AVPR2: variants seen among roughly 807,000 people sequenced by gnomAD.
AVPR2 encodes arginine vasopressin receptor 2, also known as vasopressin V2 receptor.
AVPR2 carries 3 observed loss-of-function variants against 12.0 expected under a neutral mutation model. The ratio of observed to expected loss-of-function variants is 0.25; its 90% CI spans 0.11 to 0.64. AVPR2 has a LOEUF of 0.64. Among genes scored for constraint, AVPR2 ranks in the 30% least tolerant of loss-of-function variants. AVPR2 has a pLI of 0.84. For synonymous variants in AVPR2, 143 were observed against 147.5 expected (o/e 0.97, Z 0.22); for missense variants, 279 against 347.9 (o/e 0.80, Z 1.58).
chrX:153,905,649 T>TTGTGGC lies in AVPR2; in HGVS notation c.150_155dup (p.Val51_Ala52dup). On this transcript the variant is annotated inframe_insertion, in exon 3 of 4. Coordinates refer to ENST00000646375, the MANE Select transcript of AVPR2 (RefSeq NM_000054.7). ...GAGCTGGCGCTGCTCTCCATAGTCT[T>TTGTGGC]TGTGGCTGTGGCCCTGAGCAATGGC... 8.3e-7 allele frequency: 1 copy of TTGTGGC among 1,211,493 alleles called. No individual in the cohort carries two copies.
In AVPR2 at chrX:153,907,057, G is replaced by C. The variant is rs1468079737; in HGVS notation, c.*329G>C. The C allele has an allele frequency of 9.3e-6, 4 of 431,607 alleles. No individual in the cohort carries two copies. Among genetic ancestry groups the C allele is most frequent in the African/African-American group, 7.2e-5 (3 of 41,681 alleles). 35.6% of individuals were successfully genotyped at this position (431,607 alleles called of 1,213,427 possible). A position where few individuals can be genotyped will look rare whatever the true frequency, so the allele number is the denominator to read the frequency against. ...CCCCAGGTGAGACAGCGGTCCCAGG[G>C]GCCTGAAAAGGAAGGACCAGGCTGG... On this transcript the variant is annotated 3_prime_UTR_variant, in exon 4 of 4. Coordinates refer to ENST00000646375, the MANE Select transcript of AVPR2 (RefSeq NM_000054.7).
At chrX:153,903,743 G>A (rs372874355), upstream of AVPR2, among the ~76,000 whole-genome samples, 3 of 88,652 alleles carry the variant, frequency 3.4e-5, no homozygotes, top group East Asian at 3.6e-4. Flanking sequence ...GGCCTGGTCC[G>A]TGAGGCTGTT....
chrX:153,903,908 G>A (rs1193716259), upstream of AVPR2, among the ~76,000 whole-genome samples: 1 of 109,251 alleles, frequency 9.2e-6, no homozygotes, highest in Non-Finnish European at 1.9e-5. Flanking sequence ...GGGCTGGAGG[G>A]GGTGTGGGGA....
upstream of AVPR2, among the ~76,000 whole-genome samples, chrX:153,903,505 A>G (rs2064944051): frequency 1.8e-5 from 1 of 55,779 alleles, no homozygotes; most frequent in Admixed American, 1.9e-4. Context: ...GGTGTGTAAT[A>G]TATGTGTGCA....
chrX:153,904,511 C>G (rs1449645929), upstream of AVPR2, among the ~76,000 whole-genome samples: 1 of 110,542 alleles, frequency 9.0e-6, no homozygotes, highest in Non-Finnish European at 1.9e-5. Context: ...ACCAGGGGGG[C>G]GTGGTAGGGT....
chrX:153,906,007 G>A lies in AVPR2; in HGVS notation c.501G>A (p.Ser167=), dbSNP rs367681688. Reference sequence around the variant, plus strand: ...CGGTGCTAGTGGCTTGGGCCTTCTCGCTCCTTCTCAGCCTGCCCCAGCTCT... The same window carrying A: ...CGGTGCTAGTGGCTTGGGCCTTCTCACTCCTTCTCAGCCTGCCCCAGCTCT... ...NRPVLVAWAF[S]LLLSLPQLFI... The change falls in exon 3 of 4, where the codon TCG becomes TCA. Residue 167 remains serine, a synonymous_variant. Coordinates refer to ENST00000646375, the MANE Select transcript of AVPR2 (RefSeq NM_000054.7). 12 of 1,204,046 alleles carry A rather than the reference G, an allele frequency of 1.0e-5. No homozygotes were observed. The highest frequency in any genetic ancestry group is 4.3e-5 in the Admixed American group (2 of 46,035).
upstream of AVPR2, chrX:153,902,693 G>A: frequency 3.0e-6 from 1 of 330,040 alleles, no homozygotes; most frequent in Non-Finnish European, 5.9e-6. Flanking sequence ...GCATCCCAGA[G>A]GAGACCGCCA....
chrX:153,905,188 A>G lies in AVPR2; in HGVS notation c.25+18A>G, dbSNP rs1557100310. Reference sequence around the variant, plus strand: ...CACTTCCGGTAAGGCTTGCCCCTCCATGAGTCCGGTGGGCAGAGTGGGTTT... The same window carrying G: ...CACTTCCGGTAAGGCTTGCCCCTCCGTGAGTCCGGTGGGCAGAGTGGGTTT... On this transcript the variant is annotated intron_variant, in intron 2 of 3. Coordinates refer to ENST00000646375, the MANE Select transcript of AVPR2 (RefSeq NM_000054.7). The G allele has an allele frequency of 8.3e-7, 1 of 1,211,244 alleles. No individual in the cohort carries two copies. The highest frequency in any genetic ancestry group is 2.2e-5 in the Admixed American group (1 of 46,083).
chrX:153,904,830 C>G (rs2064951311), intron 1 of AVPR2, 59 bp downstream of exon 1: 1 of 404,893 alleles, frequency 2.5e-6, no homozygotes, highest in Non-Finnish European at 4.4e-6. Flanking sequence ...ATGGTGGCCT[C>G]TCTCGGCCTC....
rs1557101249 is a variant in AVPR2, at chrX:153,906,908, C to T, written c.*180C>T. The T allele has an allele frequency of 9.2e-6, 5 of 543,316 alleles. No individual in the cohort carries two copies. The African/African-American group carries it at 1.1e-4, about 12-fold the overall frequency. The allele number at this position is 543,316 out of a possible 1,213,427, so 44.8% of individuals were successfully genotyped here. A position where few individuals can be genotyped will look rare whatever the true frequency, so the allele number is the denominator to read the frequency against. On this transcript the variant is annotated 3_prime_UTR_variant, in exon 4 of 4. Transcript: ENST00000646375. ...GCCCCTGCCTGGGTCTCCACATCCCCAGCTGTATGAGGAGAGCTTCAGGCC... is the reference window on the plus strand; with the variant it reads ...GCCCCTGCCTGGGTCTCCACATCCCTAGCTGTATGAGGAGAGCTTCAGGCC...
chrX:153,904,864 T>C, intron 1 of AVPR2, 93 bp downstream of exon 1: 1 of 437,397 alleles, frequency 2.3e-6, no homozygotes, highest in Non-Finnish European at 4.1e-6. Context: ...GAGTTCTGCG[T>C]GTCTGTCTGG....
upstream of AVPR2, among the ~76,000 whole-genome samples, chrX:153,904,027 G>A (rs781810486): frequency 2.1e-4 from 23 of 111,885 alleles, no homozygotes; most frequent in Admixed American, 2.1e-3. Flanking sequence ...TCTCTGTGTT[G>A]TGTGTTTGTG....
rs73627263 is a variant in AVPR2, at chrX:153,906,985, G to A, written c.*257G>A. On this transcript the variant is annotated 3_prime_UTR_variant, in exon 4 of 4. Coordinates refer to ENST00000646375, the MANE Select transcript of AVPR2 (RefSeq NM_000054.7). ...AGCTCACTGAGCTGGGTGTAGGAGG[G>A]GCTGCAGCAGAGGCCTGAGGAGTGG... is the stretch of plus-strand genomic sequence containing the variant. The A allele has an allele frequency of 7.4e-3, 3,582 of 484,143 alleles. 95 individuals carry two copies. The African/African-American group carries it at 0.076, about 10-fold the overall frequency. 39.9% of individuals were successfully genotyped at this position (484,143 alleles called of 1,213,427 possible).
chrX:153,905,282 C>T lies in AVPR2; in HGVS notation c.25+112C>T, dbSNP rs2064954507. ...TCACCTCTGGGTGTGTCTCTCCAGGCTGCCAATGAGTGGGGAGGGGAGCAC... is the reference window on the plus strand; with the variant it reads ...TCACCTCTGGGTGTGTCTCTCCAGGTTGCCAATGAGTGGGGAGGGGAGCAC... On this transcript the variant is annotated intron_variant, in intron 2 of 3. Coordinates refer to ENST00000646375, the MANE Select transcript of AVPR2 (RefSeq NM_000054.7). The T allele has an allele frequency of 2.7e-6, 3 of 1,097,884 alleles. No individual in the cohort carries two copies. The Admixed American group carries it at 6.8e-5, about 25-fold the overall frequency. The allele number at this position is 1,097,884 out of a possible 1,213,427, so 90.5% of individuals were successfully genotyped here.
rs1443017828 is a variant in AVPR2 at position 153,907,014 on chromosome X, G to GA, written c.*289dup. The GA allele has an allele frequency of 2.1e-6, 1 of 469,925 alleles. No homozygotes were observed. Among genetic ancestry groups the GA allele is most frequent in the African/African-American group, 2.3e-5 (1 of 42,668 alleles). The allele number at this position is 469,925 out of a possible 1,213,427, so 38.7% of individuals were successfully genotyped here. Reference sequence around the variant, plus strand: ...GCAGCAGAGGCCTGAGGAGTGGCAGGAAAGAGGGAGCAGGTGCCCCCAGGT... The same window carrying GA: ...GCAGCAGAGGCCTGAGGAGTGGCAGGAAAAGAGGGAGCAGGTGCCCCCAGGT... On this transcript the variant is annotated 3_prime_UTR_variant, in exon 4 of 4. Transcript: ENST00000646375.
At chrX:153,903,090 AGCAGGGGCTGG>A (rs1413972103), upstream of AVPR2, among the ~76,000 whole-genome samples, 5 of 112,790 alleles carry the variant, frequency 4.4e-5, no homozygotes, top group Non-Finnish European at 9.4e-5. Flanking sequence ...GCAGGGGCCA[AGCAGGGGCTGG>A]AGCCTTGCTT....
upstream of AVPR2, chrX:153,902,767 A>G (rs1557099692): frequency 3.0e-6 from 1 of 329,801 alleles, no homozygotes; most frequent in Non-Finnish European, 5.9e-6. Flanking sequence ...CCAGGGGGGC[A>G]GAGATTGCCA....
rs1557100654 is a variant in AVPR2 at position 153,905,962 on chromosome X, T to C, written c.456T>C (p.Ser152=). 1 of 1,204,520 alleles carries C rather than the reference T, an allele frequency of 8.3e-7. No individual in the cohort carries two copies. ...CRPMLAYRHG[S]GAHWNRPVLV... ...CCATGCTGGCGTACCGCCATGGAAG[T>C]GGGGCTCACTGGAACCGGCCGGTGC... Residue 152 remains serine, a synonymous_variant, in exon 3 of 4, where the codon AGT becomes AGC. Coordinates refer to ENST00000646375, the MANE Select transcript of AVPR2 (RefSeq NM_000054.7).
In AVPR2 at chrX:153,906,667, G is replaced by A. The variant is rs146350208; in HGVS notation, c.1055G>A (p.Gly352Asp). ...CGGGGACGCACCCCACCCAGCCTGG[G>A]TCCCCAAGATGAGTCCTGCACCACC... Reference protein sequence around the residue: ...CARGRTPPSLGPQDESCTTAS... With the variant: ...CARGRTPPSLDPQDESCTTAS... The change falls in exon 4 of 4, where the codon GGT (glycine) becomes GAT (aspartate). Residue 352 changes from glycine to aspartate, a missense_variant. Transcript: ENST00000646375. 7.9e-4 allele frequency: 960 copies of A among 1,209,505 alleles called. No homozygotes were observed. Among genetic ancestry groups the A allele is most frequent in the Middle Eastern group, 1.1e-3 (5 of 4,368 alleles).
Sources: allele counts gnomAD v4.1 joint callset (sites outside exome capture counted in the v4.1 genomes callset), GRCh38; gene constraint gnomAD v4.1.1; transcripts MANE v1.5; gene names NCBI Gene and HGNC (gene_info 2026-07-23, HGNC 2026-07-21).